Variants in DYSF observed in about 807,000 individuals in gnomAD.
The protein encoded by DYSF is dysferlin.
DYSF carries 212 observed loss-of-function variants against 274.9 expected under a neutral mutation model. The ratio of observed to expected loss-of-function variants is 0.77; its 90% CI spans 0.69 to 0.86. The LOEUF (loss-of-function observed/expected upper bound fraction) is 0.86. Among genes scored for constraint, DYSF ranks in the 40% least tolerant of loss-of-function variants. The pLI, the probability that DYSF is intolerant of heterozygous loss-of-function variation, is 0.00. For missense variants in DYSF, 2,666 were observed against 2,783.2 expected (o/e 0.96, Z 0.95); for synonymous variants, 1,091 against 1,078.7 (o/e 1.01, Z -0.22).
intron 3 of DYSF, among the ~76,000 whole-genome samples, chr2:71,496,869 G>C (rs1350699800): frequency 6.6e-6 from 1 of 152,164 alleles, no homozygotes; most frequent in Non-Finnish European, 1.5e-5. Flanking sequence ...CCTTCCCACG[G>C]ATTAAGCAAA....
In DYSF at chr2:71,624,091, C is replaced by CAAA. The variant is rs1244055745; in HGVS notation, c.4527+3484_4527+3486dup. On this transcript the variant is annotated intron_variant, in intron 41 of 55. Transcript: ENST00000410020. ...TGCAACAAACAACCTCACCAAAACA[C>CAAA]AAAAGCCTTAAATTAGTTTTCATAG... Among the ~76,000 whole-genome samples, 3 of 152,246 alleles carry CAAA rather than the reference C, an allele frequency of 2.0e-5. No homozygotes were observed. The East Asian group carries it at 5.8e-4, about 29-fold the overall frequency.
intron 16 of DYSF, among the ~76,000 whole-genome samples, chr2:71,537,726 C>T (rs2089525695): frequency 6.6e-6 from 1 of 152,108 alleles, no homozygotes; most frequent in South Asian, 2.1e-4. Context: ...ATTAGGGTAC[C>T]TTGTAGGGTT....
intron 51 of DYSF, among the ~76,000 whole-genome samples, chr2:71,671,817 G>T (rs1344784991): frequency 6.6e-6 from 1 of 152,202 alleles, no homozygotes; most frequent in Non-Finnish European, 1.5e-5. Context: ...GCATCATAGG[G>T]CCTGGTCAGG....
intron 1 of DYSF, 76 bp downstream of exon 1, chr2:71,467,009 C>G (rs2081581761): frequency 6.6e-7 from 1 of 1,520,508 alleles, no homozygotes; most frequent in South Asian, 1.2e-5. Context: ...GTCTGAAGCC[C>G]CTGCTCCGGA....
chr2:71,648,602 G>A (rs954557538), intron 42 of DYSF, among the ~76,000 whole-genome samples: 2 of 152,056 alleles, frequency 1.3e-5, no homozygotes, highest in African/African-American at 4.8e-5. Flanking sequence ...TGAAAGAATA[G>A]TTGAACATAC....
Position 71,640,515 on chromosome 2 carries a change from TA to T in DYSF, c.4528-3449del, listed in dbSNP as rs532348088. Among the ~76,000 whole-genome samples the T allele has an allele frequency of 1.6e-3, 242 of 152,324 alleles. 2 individuals carry two copies. The highest frequency in any genetic ancestry group is 5.5e-3 in the African/African-American group (229 of 41,572). On this transcript the variant is annotated intron_variant, in intron 41 of 55. Coordinates refer to ENST00000410020, the MANE Select transcript of DYSF (RefSeq NM_001130987.2). ...ATTGTAGCTGAAACCTGCTACAAAATATATTGATATTTAAATTACCAAACTA... is the reference window on the plus strand; with the variant it reads ...ATTGTAGCTGAAACCTGCTACAAAATTATTGATATTTAAATTACCAAACTA...
intron 10 of DYSF, among the ~76,000 whole-genome samples, chr2:71,519,541 T>A (rs1397803496): frequency 6.6e-6 from 1 of 152,194 alleles, no homozygotes. Flanking sequence ...CATCTGTGGA[T>A]TTTTAATAGA....
rs2086561813 is a variant in DYSF, at chr2:71,515,488, C to T, written c.760-135C>T. 5 of 1,314,886 alleles carry T rather than the reference C, an allele frequency of 3.8e-6. No homozygotes were observed. The Admixed American group carries it at 7.1e-5, about 19-fold the overall frequency. The allele number at this position is 1,314,886 out of a possible 1,614,324, so 81.5% of individuals were successfully genotyped here. On this transcript the variant is annotated intron_variant, in intron 7 of 55. Transcript: ENST00000410020. ...TATGATAGTTCGTATAATGCTCTTCCTAATTCCTTTTTAATACTTTCCCCA... is the reference window on the plus strand; with the variant it reads ...TATGATAGTTCGTATAATGCTCTTCTTAATTCCTTTTTAATACTTTCCCCA...
intron 7 of DYSF, among the ~76,000 whole-genome samples, chr2:71,514,241 T>C (rs1237357598): frequency 6.6e-6 from 1 of 151,344 alleles, no homozygotes; most frequent in Non-Finnish European, 1.5e-5. Flanking sequence ...CCAGGGTATA[T>C]CCAACCAGCA....
chr2:71,465,698 G>A (rs887654253), upstream of DYSF, among the ~76,000 whole-genome samples: 2 of 152,244 alleles, frequency 1.3e-5, no homozygotes, highest in African/African-American at 4.8e-5. Context: ...TTTAGGCTGA[G>A]TGAGCAGGTT....
intron 41 of DYSF, among the ~76,000 whole-genome samples, chr2:71,637,938 G>A (rs1451382521): frequency 6.6e-6 from 1 of 152,166 alleles, no homozygotes; most frequent in Non-Finnish European, 1.5e-5. Flanking sequence ...GCCAGCTGGT[G>A]TGGCCGGGAG....
intron 22 of DYSF, among the ~76,000 whole-genome samples, chr2:71,559,048 C>T (rs777379525): frequency 6.6e-6 from 1 of 152,312 alleles, no homozygotes; most frequent in East Asian, 1.9e-4. Flanking sequence ...TCTCCAGCAT[C>T]GGTGTTCCTC....
Position 71,489,372 on chromosome 2 carries a change from T to C in DYSF, c.239+7402T>C, listed in dbSNP as rs2152693508. Among the ~76,000 whole-genome samples, 2 of 152,336 alleles carry C rather than the reference T, an allele frequency of 1.3e-5. 1 individual carries two copies. The highest frequency in any genetic ancestry group is 3.9e-4 in the East Asian group (2 of 5,182). ...TCTATTTTAGGAATCGGCGGGATGC[T>C]GCTTTATAGCTCAGACTCTGCTTAG... On this transcript the variant is annotated intron_variant, in intron 3 of 55. Transcript: ENST00000410020.
intron 3 of DYSF, among the ~76,000 whole-genome samples, chr2:71,502,773 C>T (rs917590789): frequency 6.6e-5 from 10 of 152,144 alleles, no homozygotes; most frequent in African/African-American, 1.4e-4. Flanking sequence ...CAATCACTGC[C>T]GGCGGAGCCC....
In DYSF at chr2:71,668,533, C is replaced by A. The variant is rs13420872; in HGVS notation, c.5458-221C>A. Among the ~76,000 whole-genome samples the A allele has an allele frequency of 0.011, 1,653 of 152,300 alleles. 33 individuals carry two copies. The highest frequency in any genetic ancestry group is 0.038 in the African/African-American group (1,561 of 41,566). On this transcript the variant is annotated intron_variant, in intron 48 of 55. Coordinates refer to ENST00000410020, the MANE Select transcript of DYSF (RefSeq NM_001130987.2). The stretch of plus-strand genomic sequence containing the variant: ...CCACCACCATCTCTGAGAAGCCCAC[C>A]CTGACCCTTGACCCCCAGGCACAGG...
chr2:71,549,609 C>T (rs144316496), intron 17 of DYSF, among the ~76,000 whole-genome samples: 2 of 151,990 alleles, frequency 1.3e-5, no homozygotes, highest in Non-Finnish European at 2.9e-5. Flanking sequence ...TTTCCTCCCA[C>T]TTCCCCCAAC....
At chr2:71,591,304 C>G (rs1052746368) in intron 32 of DYSF, among the ~76,000 whole-genome samples, 8 of 152,246 alleles carry the variant, frequency 5.3e-5, no homozygotes, top group Admixed American at 1.3e-4. Flanking sequence ...CAGCACTTGG[C>G]CAGTGCCTTA....
intron 24 of DYSF, among the ~76,000 whole-genome samples, chr2:71,566,647 G>C (rs561051049): frequency 6.6e-6 from 1 of 152,196 alleles, no homozygotes; most frequent in Non-Finnish European, 1.5e-5. Flanking sequence ...GGGTGGATGG[G>C]GGAAGTGGGG....
At chr2:71,481,786 T>C (rs2082930454) in intron 2 of DYSF, 93 bp from the exon 3 acceptor site, 2 of 950,324 alleles carry the variant, frequency 2.1e-6, no homozygotes, top group Non-Finnish European at 3.4e-6. Context: ...CATGAATGCC[T>C]ACTCAGTGCC....
Sources: allele counts gnomAD v4.1 joint callset (sites outside exome capture counted in the v4.1 genomes callset), GRCh38; gene constraint gnomAD v4.1.1; transcripts MANE v1.5; gene names NCBI Gene and HGNC (gene_info 2026-07-23, HGNC 2026-07-21).